The following OXR1 variants were observed in gnomAD, a reference collection of about 807,000 sequenced individuals.
OXR1 encodes the protein oxidation resistance 1.
Under a neutral mutation model 104.6 loss-of-function variants are expected in OXR1, and 41 were observed. The ratio of observed to expected loss-of-function variants is 0.39; its 90% CI spans 0.31 to 0.51. OXR1 has a LOEUF of 0.51. Among genes scored for constraint, OXR1 ranks in the 20% least tolerant of loss-of-function variants. The pLI is 0.77. For missense variants in OXR1, 955 were observed against 1,031.9 expected (o/e 0.93, Z 1.02); for synonymous variants, 348 against 348.4 (o/e 1.00, Z 0.01).
At chr8:106,691,399 C>T (rs1278562517) in intron 6 of OXR1, among the ~76,000 whole-genome samples, 1 of 151,746 alleles carries the variant, frequency 6.6e-6, no homozygotes, top group Non-Finnish European at 1.5e-5. Context: ...TCTGGTAATT[C>T]CTCTGAACAA....
intron 8 of OXR1, among the ~76,000 whole-genome samples, chr8:106,703,451 C>T (rs1035827269): frequency 1.1e-4 from 16 of 151,864 alleles, no homozygotes; most frequent in African/African-American, 3.4e-4. Context: ...TTGGAAGTGA[C>T]TGAAGAGCTG....
At chr8:106,714,189 A>T (rs1016122129) in intron 11 of OXR1, among the ~76,000 whole-genome samples, 2 of 152,034 alleles carry the variant, frequency 1.3e-5, no homozygotes, top group African/African-American at 4.8e-5. Flanking sequence ...TTTTGCTTTA[A>T]AATACTAGAA....
At chr8:106,288,574 GTATATGTA>G (rs1812600734) in intron 1 of OXR1, among the ~76,000 whole-genome samples, 1 of 137,668 alleles carries the variant, frequency 7.3e-6, no homozygotes, top group South Asian at 2.2e-4. Flanking sequence ...TATATGGTGT[GTATATGTA>G]TATACACACC....
chr8:106,379,354 C>G (rs553882802), intron 2 of OXR1, among the ~76,000 whole-genome samples: 1 of 152,082 alleles, frequency 6.6e-6, no homozygotes, highest in Non-Finnish European at 1.5e-5. Context: ...ATAATATTAA[C>G]TAACAGTTTC....
chr8:106,705,333 T>C (rs111888335), intron 8 of OXR1, among the ~76,000 whole-genome samples: 9 of 152,174 alleles, frequency 5.9e-5, no homozygotes, highest in Admixed American at 5.9e-4. Context: ...AGCAGAGATA[T>C]TGACTTCAAC....
At chr8:106,536,741 G>C (rs560240286) in intron 3 of OXR1, among the ~76,000 whole-genome samples, 1 of 152,236 alleles carries the variant, frequency 6.6e-6, no homozygotes, top group African/African-American at 2.4e-5. Context: ...CATGATAGGG[G>C]AAAAAGCAGA....
At chr8:106,430,027 C>CTG (rs140204622) in intron 2 of OXR1, among the ~76,000 whole-genome samples, 5 of 151,224 alleles carry the variant, frequency 3.3e-5, no homozygotes, top group East Asian at 1.9e-4. Context: ...TTTCTGTAGC[C>CTG]TGTGTGTGTG....
chr8:106,442,426 T>A (rs1190611547), intron 2 of OXR1, among the ~76,000 whole-genome samples: 2 of 152,162 alleles, frequency 1.3e-5, no homozygotes, highest in African/African-American at 4.8e-5. Context: ...GGTACTGGCT[T>A]CATGAAATGA....
chr8:106,314,745 G>A (rs1813855890), intron 1 of OXR1, among the ~76,000 whole-genome samples: 1 of 152,068 alleles, frequency 6.6e-6, no homozygotes, highest in Admixed American at 6.5e-5. Context: ...AACTACCTCT[G>A]GCATATATAG....
chr8:106,684,134 T>G (rs1225060638), intron 5 of OXR1, 112 bp from the exon 6 acceptor site: 6 of 608,934 alleles, frequency 9.9e-6, no homozygotes, highest in African/African-American at 1.8e-5. Flanking sequence ...ATTTGAAAAT[T>G]TTTATGTTTT....
intron 11 of OXR1, among the ~76,000 whole-genome samples, chr8:106,734,427 G>A (rs1490542017): frequency 6.6e-6 from 1 of 152,118 alleles, no homozygotes; most frequent in African/African-American, 2.4e-5. Context: ...TGATTAGATA[G>A]TATTTCTTTT....
At chr8:106,374,237 A>G (rs1056670308) in intron 2 of OXR1, among the ~76,000 whole-genome samples, 1 of 152,148 alleles carries the variant, frequency 6.6e-6, no homozygotes, top group Admixed American at 6.5e-5. Flanking sequence ...TTGCCATTTG[A>G]TGTCTGGGAA....
At chr8:106,478,277 G>A (rs1821913190) in intron 2 of OXR1, among the ~76,000 whole-genome samples, 1 of 151,732 alleles carries the variant, frequency 6.6e-6, no homozygotes, top group African/African-American at 2.4e-5. Flanking sequence ...ATTTCACAAA[G>A]CACACTATCC....
intron 2 of OXR1, among the ~76,000 whole-genome samples, chr8:106,477,491 T>C (rs1333762415): frequency 4.6e-5 from 7 of 152,016 alleles, no homozygotes; most frequent in Non-Finnish European, 8.8e-5. Flanking sequence ...TTTGAATGGC[T>C]CTGTGTAGGG....
chr8:106,338,372 G>A lies in OXR1; in HGVS notation c.-138-21104G>A, dbSNP rs376035975. ...GGGCGGATCACCTGAGGTCAGAGGT[G>A]ATCAACATGGTGAAACCTAGTCTCT... On this transcript the variant is annotated intron_variant, in intron 1 of 16. Coordinates refer to ENST00000517566, the MANE Select transcript of OXR1 (RefSeq NM_001198533.2). Among the ~76,000 whole-genome samples the A allele has an allele frequency of 5.7e-4, 87 of 152,116 alleles. 1 individual carries two copies. In the East Asian group the frequency reaches 0.016, roughly 28 times the overall value.
At chr8:106,508,964 A>G (rs1247952975) in intron 2 of OXR1, among the ~76,000 whole-genome samples, 1 of 152,178 alleles carries the variant, frequency 6.6e-6, no homozygotes, top group East Asian at 1.9e-4. Context: ...GCTTGTCCAT[A>G]TGATTTATAG....
intron 2 of OXR1, among the ~76,000 whole-genome samples, chr8:106,361,787 A>T (rs1209974207): frequency 1.3e-5 from 2 of 152,200 alleles, no homozygotes; most frequent in Non-Finnish European, 2.9e-5. Flanking sequence ...AGAAACAAAG[A>T]CATGAAAATA....
In OXR1 at chr8:106,429,760, AT is replaced by A. The variant is rs953151420; in HGVS notation, c.23+70134del. On this transcript the variant is annotated intron_variant, in intron 2 of 16. Coordinates refer to ENST00000517566, the MANE Select transcript of OXR1 (RefSeq NM_001198533.2). ...GGTATTAGAAAAATATACAAATGTT[AT>A]TTTTTTTTTCCTCTTTCCACCAGGG... Among the ~76,000 whole-genome samples the A allele has an allele frequency of 1.3e-3, 189 of 149,446 alleles. 1 individual carries two copies. In the East Asian group the frequency reaches 0.015, roughly 12 times the overall value.
At chr8:106,678,194 T>C (rs1827793707) in intron 3 of OXR1, among the ~76,000 whole-genome samples, 1 of 152,034 alleles carries the variant, frequency 6.6e-6, no homozygotes, top group Admixed American at 6.6e-5. Context: ...TTATTATTAT[T>C]TTTTAGTGCT....
Sources: allele counts gnomAD v4.1 joint callset (sites outside exome capture counted in the v4.1 genomes callset), GRCh38; gene constraint gnomAD v4.1.1; transcripts MANE v1.5; gene names NCBI Gene and HGNC (gene_info 2026-07-23, HGNC 2026-07-21).